IKZF2: variants seen among roughly 807,000 people sequenced by gnomAD.
IKZF2 encodes the protein zinc finger protein Helios.
A neutral mutation model predicts 49.2 loss-of-function variants in IKZF2; 15 were observed. The observed-to-expected ratio is 0.30, with a 90% CI of 0.20 to 0.47. The LOEUF (loss-of-function observed/expected upper bound fraction) is 0.47, where lower values mean the gene tolerates loss of function less well. IKZF2 is among the 20% of genes least tolerant of loss of function. The pLI is 1.00. For missense variants in IKZF2, 567 were observed against 664.6 expected, an observed-to-expected ratio of 0.85 and a Z score of 1.61; for synonymous variants, 227 against 221.4, an observed-to-expected ratio of 1.03 and a Z score of -0.23.
chr2:213,106,105 T>C (rs181904745), intron 4 of IKZF2, among the ~76,000 whole-genome samples: 1 of 152,328 alleles, frequency 6.6e-6, no homozygotes, highest in African/African-American at 2.4e-5. Flanking sequence ...ACTGTCTTTA[T>C]TTAAATTGTC....
At chr2:213,145,451 A>G (rs1296466829) in intron 4 of IKZF2, among the ~76,000 whole-genome samples, 2 of 152,090 alleles carry the variant, frequency 1.3e-5, no homozygotes, top group African/African-American at 4.8e-5. Context: ...AAAGGGATTT[A>G]GGAAAACCGG....
chr2:213,085,088 T>C (rs1264922963), intron 4 of IKZF2, among the ~76,000 whole-genome samples: 1 of 152,220 alleles, frequency 6.6e-6, no homozygotes, highest in African/African-American at 2.4e-5. Flanking sequence ...TGGCACACAA[T>C]AATGTTCAAA....
Position 213,055,470 on chromosome 2 carries a change from A to G in IKZF2, c.406+1363T>C, listed in dbSNP as rs372029363. On this transcript the variant is annotated intron_variant, in intron 5 of 8. Coordinates refer to ENST00000434687, the MANE Select transcript of IKZF2 (RefSeq NM_001387220.1). The stretch of plus-strand genomic sequence containing the variant: ...TTAAAAAGGAGATAAAAAACGAAAA[A>G]GCAAAATGTAATTGACTGTATGATT... Among the ~76,000 whole-genome samples, 33 of 152,232 alleles carry G rather than the reference A, an allele frequency of 2.2e-4. 1 individual carries two copies. The highest frequency in any genetic ancestry group is 7.2e-4 in the African/African-American group (30 of 41,578).
intron 4 of IKZF2, among the ~76,000 whole-genome samples, chr2:213,077,580 C>CTTTTTTTTTTTTTT (rs58528665): frequency 1.7e-5 from 1 of 59,448 alleles, no homozygotes; most frequent in African/African-American, 6.7e-5. Context: ...ATTCTATGTA[C>CTTTTTTTTTTTTTT]TTTTTTTTTT....
intron 4 of IKZF2, among the ~76,000 whole-genome samples, chr2:213,080,402 AT>A (rs1160506668): frequency 1.3e-5 from 2 of 152,178 alleles, no homozygotes; most frequent in African/African-American, 4.8e-5. Flanking sequence ...ATATATCCAA[AT>A]TTTCAACATT....
chr2:213,148,509 TAA>T (rs1172789205), intron 3 of IKZF2, 85 bp downstream of exon 3: 2 of 898,406 alleles, frequency 2.2e-6, no homozygotes, highest in African/African-American at 3.4e-5. Flanking sequence ...GAATTCTCAA[TAA>T]AGTTTCATAA....
intron 4 of IKZF2, among the ~76,000 whole-genome samples, chr2:213,082,448 A>G (rs1270463143): frequency 6.6e-6 from 1 of 152,222 alleles, no homozygotes; most frequent in Non-Finnish European, 1.5e-5. Context: ...TGCAAGAAAT[A>G]AGATTTATAA....
intron 4 of IKZF2, among the ~76,000 whole-genome samples, chr2:213,104,794 G>T (rs1449618249): frequency 6.6e-6 from 1 of 152,132 alleles, no homozygotes; most frequent in African/African-American, 2.4e-5. Flanking sequence ...CTTTGATAAG[G>T]TCACGCCTTA....
chr2:213,072,479 T>A (rs141501670), intron 4 of IKZF2, among the ~76,000 whole-genome samples: 1 of 152,050 alleles, frequency 6.6e-6, no homozygotes, highest in African/African-American at 2.4e-5. Flanking sequence ...GATTTTATTA[T>A]CATTATCGCT....
intron 4 of IKZF2, among the ~76,000 whole-genome samples, chr2:213,141,043 T>C (rs533225381): frequency 2.0e-5 from 3 of 152,058 alleles, no homozygotes; most frequent in African/African-American, 7.2e-5. Flanking sequence ...GCTAAATCTT[T>C]TCCCGGAAAC....
At chr2:213,089,897 A>G (rs1705100347) in intron 4 of IKZF2, among the ~76,000 whole-genome samples, 1 of 152,186 alleles carries the variant, frequency 6.6e-6, no homozygotes, top group Non-Finnish European at 1.5e-5. Flanking sequence ...AAATTCTGGA[A>G]AAAAGATTAT....
At chr2:213,059,920 T>C (rs1281172481) in intron 4 of IKZF2, among the ~76,000 whole-genome samples, 2 of 151,454 alleles carry the variant, frequency 1.3e-5, no homozygotes, top group African/African-American at 4.8e-5. Flanking sequence ...AAAGCCGTAG[T>C]AATCTATTCT....
At chr2:213,090,700 A>G (rs1705210230) in intron 4 of IKZF2, among the ~76,000 whole-genome samples, 1 of 152,184 alleles carries the variant, frequency 6.6e-6, no homozygotes, top group Non-Finnish European at 1.5e-5. Context: ...AAGTTTAGAC[A>G]GAGACATGCA....
intron 6 of IKZF2, among the ~76,000 whole-genome samples, chr2:213,032,938 A>T (rs1276489421): frequency 6.6e-6 from 1 of 152,224 alleles, no homozygotes; most frequent in Admixed American, 6.5e-5. Flanking sequence ...TCTCTGTAGC[A>T]TGTGATGCTA....
Position 213,001,022 on chromosome 2 carries a change from T to G in IKZF2, c.*6338A>C, listed in dbSNP as rs914634173. The G allele has an allele frequency of 2.8e-4, 42 of 151,946 alleles. No individual in the cohort carries two copies. The highest frequency in any genetic ancestry group is 1.0e-3 in the African/African-American group (42 of 41,486). 9.4% of individuals were successfully genotyped at this position (151,946 alleles called of 1,614,324 possible). The stretch of plus-strand genomic sequence containing the variant: ...TTGTGTCCTTTAACATACTATGACT[T>G]TTATGAGTTTCTTTTTGTCATTAGC... On this transcript the variant is annotated 3_prime_UTR_variant, in exon 9 of 9. Coordinates refer to ENST00000434687, the MANE Select transcript of IKZF2 (RefSeq NM_001387220.1).
At chr2:213,058,332 A>G (rs537372159) in intron 4 of IKZF2, among the ~76,000 whole-genome samples, 1 of 152,190 alleles carries the variant, frequency 6.6e-6, no homozygotes, top group African/African-American at 2.4e-5. Context: ...CAGTTTAGGT[A>G]TTAAGAACGA....
intron 4 of IKZF2, among the ~76,000 whole-genome samples, chr2:213,074,471 C>G (rs1420015333): frequency 6.6e-6 from 1 of 152,132 alleles, no homozygotes; most frequent in African/African-American, 2.4e-5. Flanking sequence ...AATATTATGG[C>G]ATCACCGCTG....
chr2:213,112,165 T>C (rs1454742634), intron 4 of IKZF2, among the ~76,000 whole-genome samples: 1 of 151,992 alleles, frequency 6.6e-6, no homozygotes, highest in African/African-American at 2.4e-5. Flanking sequence ...TCCTACTCCA[T>C]AGGGAAATTA....
intron 4 of IKZF2, among the ~76,000 whole-genome samples, chr2:213,125,349 G>T (rs2060222510): frequency 6.6e-6 from 1 of 151,998 alleles, no homozygotes; most frequent in Non-Finnish European, 1.5e-5. Flanking sequence ...CACTGAAGCA[G>T]AAATATTCTT....
Sources: allele counts gnomAD v4.1 joint callset (sites outside exome capture counted in the v4.1 genomes callset), GRCh38; gene constraint gnomAD v4.1.1; transcripts MANE v1.5; gene names NCBI Gene and HGNC (gene_info 2026-07-23, HGNC 2026-07-21).